COL19A1: variants seen among roughly 807,000 people sequenced by gnomAD.
COL19A1 encodes collagen alpha-1(XIX) chain.
Under a neutral mutation model 190.2 loss-of-function variants are expected in COL19A1, and 159 were observed. That is an observed-to-expected ratio of 0.84 (90% confidence interval 0.73 to 0.95). The LOEUF is 0.95. Ranked by LOEUF, COL19A1 falls within the 40% of genes least tolerant of loss-of-function variation. COL19A1 has a pLI of 0.00. For synonymous variants in COL19A1, 509 were observed against 458.9 expected (o/e 1.11, Z -1.39); for missense variants, 1,418 against 1,431.9 (o/e 0.99, Z 0.16).
intron 4 of COL19A1, among the ~76,000 whole-genome samples, chr6:69,925,888 G>T (rs1318717044): frequency 6.6e-6 from 1 of 152,116 alleles, no homozygotes; most frequent in Non-Finnish European, 1.5e-5. Flanking sequence ...CTCTCTGTTT[G>T]TTTGTTATTG....
At chr6:70,177,204 G>A (rs1009009476) in intron 42 of COL19A1, among the ~76,000 whole-genome samples, 1 of 152,042 alleles carries the variant, frequency 6.6e-6, no homozygotes, top group African/African-American at 2.4e-5. Context: ...TTAAAATTTT[G>A]TGGTCACGCT....
intron 11 of COL19A1, among the ~76,000 whole-genome samples, chr6:70,022,691 T>C (rs79112306): frequency 0.047 from 7,123 of 152,298 alleles, 564 homozygotes; most frequent in African/African-American, 0.16. Context: ...TTGGTTAACA[T>C]TTATCCACTG....
At chr6:70,193,687 CT>C (rs1333052986) in intron 48 of COL19A1, among the ~76,000 whole-genome samples, 1 of 152,166 alleles carries the variant, frequency 6.6e-6, no homozygotes, top group Non-Finnish European at 1.5e-5. Flanking sequence ...TGTGATAGCC[CT>C]TTCCTTTTGT....
intron 34 of COL19A1, among the ~76,000 whole-genome samples, chr6:70,159,913 T>C (rs1250737570): frequency 6.6e-6 from 1 of 152,158 alleles, no homozygotes; most frequent in East Asian, 1.9e-4. Context: ...ACTTGATGTA[T>C]CACATGGTTA....
intron 11 of COL19A1, among the ~76,000 whole-genome samples, chr6:69,971,376 G>C (rs1775413331): frequency 6.6e-6 from 1 of 152,136 alleles, no homozygotes; most frequent in East Asian, 1.9e-4. Context: ...GAGAGTAGAA[G>C]CCAGGTTGGA....
chr6:69,963,967 T>G (rs1184893542), intron 11 of COL19A1, among the ~76,000 whole-genome samples: 1 of 152,230 alleles, frequency 6.6e-6, no homozygotes, highest in Non-Finnish European at 1.5e-5. Flanking sequence ...CATTTCAAAA[T>G]TCTTGTTTTG....
intron 17 of COL19A1, among the ~76,000 whole-genome samples, chr6:70,122,800 G>C (rs1175691156): frequency 1.3e-5 from 2 of 152,062 alleles, no homozygotes; most frequent in Non-Finnish European, 2.9e-5. Flanking sequence ...AAAAAAATTT[G>C]TTAAATGACT....
chr6:70,093,204 C>T (rs1301335986), intron 15 of COL19A1, among the ~76,000 whole-genome samples: 2 of 152,086 alleles, frequency 1.3e-5, no homozygotes, highest in Non-Finnish European at 2.9e-5. Flanking sequence ...GGCCAAATTC[C>T]CCTTCTCCAG....
chr6:70,087,187 C>T (rs1158036486), intron 15 of COL19A1, among the ~76,000 whole-genome samples: 2 of 152,058 alleles, frequency 1.3e-5, no homozygotes, highest in African/African-American at 4.8e-5. Flanking sequence ...AGTCAAAAAC[C>T]TCTGCCCTCA....
intron 9 of COL19A1, among the ~76,000 whole-genome samples, chr6:69,955,914 AT>A (rs559045030): frequency 5.3e-5 from 8 of 151,986 alleles, no homozygotes; most frequent in African/African-American, 1.7e-4. Flanking sequence ...CACACAGTGA[AT>A]TTTTTTTCTT....
intron 2 of COL19A1, among the ~76,000 whole-genome samples, chr6:69,895,542 T>C (rs764377425): frequency 1.3e-5 from 2 of 152,170 alleles, no homozygotes; most frequent in Non-Finnish European, 2.9e-5. Flanking sequence ...AGGGACTCTG[T>C]CTAGGCCAGA....
intron 2 of COL19A1, among the ~76,000 whole-genome samples, chr6:69,888,657 G>A (rs1311633313): frequency 6.6e-6 from 1 of 152,016 alleles, no homozygotes; most frequent in African/African-American, 2.4e-5. Flanking sequence ...GCCGGGCGTG[G>A]TGGCTTGTGC....
chr6:70,104,884 T>A (rs1783858842), intron 16 of COL19A1, among the ~76,000 whole-genome samples: 1 of 152,184 alleles, frequency 6.6e-6, no homozygotes, highest in Admixed American at 6.6e-5. Context: ...CACCGAATTC[T>A]GGAATGAGTT....
At position 70,206,840 on chromosome 6, in the gene COL19A1, C is replaced by G. The variant is rs535497806; in HGVS notation, c.3224-61C>G. 2.6e-5 allele frequency: 37 copies of G among 1,420,420 alleles called. No individual in the cohort carries two copies. The Admixed American group carries it at 4.5e-4, about 17-fold the overall frequency. 88.0% of individuals were successfully genotyped at this position (1,420,420 alleles called of 1,614,324 possible). ...CACAGACTCAGAAAATGGTTCTTCT[C>G]TGTGCTGTGTTGCCATAGAACCCTT... On this transcript the variant is annotated intron_variant, in intron 49 of 50. Transcript: ENST00000620364.
intron 11 of COL19A1, among the ~76,000 whole-genome samples, chr6:69,992,854 G>T (rs1299205887): frequency 6.6e-6 from 1 of 151,640 alleles, no homozygotes; most frequent in African/African-American, 2.4e-5. Flanking sequence ...GAGCATTTGG[G>T]CAGAGATTAT....
chr6:70,179,926 A>G (rs1417451600), intron 42 of COL19A1, among the ~76,000 whole-genome samples: 2 of 152,144 alleles, frequency 1.3e-5, no homozygotes, highest in Non-Finnish European at 2.9e-5. Flanking sequence ...TCCGTCACCC[A>G]GGCTGGAGTG....
At chr6:69,987,064 G>T (rs1441991754) in intron 11 of COL19A1, among the ~76,000 whole-genome samples, 4 of 151,996 alleles carry the variant, frequency 2.6e-5, no homozygotes, top group Non-Finnish European at 4.4e-5. Context: ...GGGACTACAG[G>T]CATGACTTTT....
chr6:70,058,697 C>T (rs148772265), intron 14 of COL19A1, among the ~76,000 whole-genome samples: 2 of 151,948 alleles, frequency 1.3e-5, no homozygotes, highest in East Asian at 1.9e-4. Context: ...AAGCTGGTCA[C>T]CCTCTAATTT....
At chr6:69,981,033 G>A (rs1025117037) in intron 11 of COL19A1, among the ~76,000 whole-genome samples, 2 of 152,070 alleles carry the variant, frequency 1.3e-5, no homozygotes, top group Non-Finnish European at 1.5e-5. Context: ...TGCATGTGAT[G>A]GCCTTTATTT....
Sources: allele counts gnomAD v4.1 joint callset (sites outside exome capture counted in the v4.1 genomes callset), GRCh38; gene constraint gnomAD v4.1.1; transcripts MANE v1.5; gene names NCBI Gene and HGNC (gene_info 2026-07-23, HGNC 2026-07-21).